LRRC4C: variants seen among roughly 807,000 people sequenced by gnomAD.
The protein encoded by LRRC4C is leucine rich repeat containing 4C.
Under a neutral mutation model 33.6 loss-of-function variants are expected in LRRC4C, and 5 were observed. That is an observed-to-expected ratio of 0.15 (90% CI 0.08 to 0.31). The LOEUF is 0.31. Ranked by LOEUF, LRRC4C falls within the 10% of genes least tolerant of loss-of-function variation. The probability of loss-of-function intolerance (pLI) is 1.00; values close to 1 mark genes in which losing one functional copy is unlikely to be tolerated. For missense variants in LRRC4C, 560 were observed against 796.7 expected (o/e 0.70, Z 3.58); for synonymous variants, 329 against 302.0 (o/e 1.09, Z -0.93).
intron 3 of LRRC4C, among the ~76,000 whole-genome samples, chr11:40,439,655 C>A (rs543126664): frequency 6.6e-6 from 1 of 151,532 alleles, no homozygotes; most frequent in African/African-American, 2.4e-5. Flanking sequence ...GGTTTCACCA[C>A]CTTGGCCAGG....
At chr11:40,968,362 G>T (rs10837535) in intron 1 of LRRC4C, among the ~76,000 whole-genome samples, 2 of 151,966 alleles carry the variant, frequency 1.3e-5, no homozygotes, top group African/African-American at 4.8e-5. Flanking sequence ...AGCAGCAAGC[G>T]CTAATGTAGA....
At chr11:40,996,230 G>A (rs572357514) in intron 1 of LRRC4C, among the ~76,000 whole-genome samples, 15 of 152,248 alleles carry the variant, frequency 9.9e-5, no homozygotes, top group East Asian at 3.9e-4. Flanking sequence ...CTGTGAGGCT[G>A]GGTAGCAGAC....
intron 3 of LRRC4C, among the ~76,000 whole-genome samples, chr11:40,497,365 C>A (rs1378265642): frequency 6.6e-6 from 1 of 151,690 alleles, no homozygotes; most frequent in Non-Finnish European, 1.5e-5. Flanking sequence ...GATCATGCCA[C>A]TACACTCCAG....
intron 1 of LRRC4C, among the ~76,000 whole-genome samples, chr11:41,272,457 T>C (rs771231321): frequency 1.3e-5 from 2 of 152,068 alleles, no homozygotes; most frequent in African/African-American, 2.4e-5. Context: ...TGCAGTGAAA[T>C]AGGGACTCAG....
chr11:40,468,805 T>C (rs1293797680), intron 3 of LRRC4C, among the ~76,000 whole-genome samples: 1 of 152,204 alleles, frequency 6.6e-6, no homozygotes, highest in Admixed American at 6.5e-5. Flanking sequence ...AAACATTTTC[T>C]AGTACACTTT....
At chr11:41,169,456 C>T (rs1944872886) in intron 1 of LRRC4C, among the ~76,000 whole-genome samples, 2 of 152,094 alleles carry the variant, frequency 1.3e-5, no homozygotes, top group Non-Finnish European at 1.5e-5. Flanking sequence ...TTATCACATC[C>T]ACTTCCACAT....
At chr11:40,235,041 G>C (rs1865462467) in intron 5 of LRRC4C, among the ~76,000 whole-genome samples, 1 of 152,166 alleles carries the variant, frequency 6.6e-6, no homozygotes. Context: ...CAATTACCCT[G>C]ATTGCAGCAC....
At chr11:40,975,156 A>C (rs904750743) in intron 1 of LRRC4C, among the ~76,000 whole-genome samples, 2 of 152,208 alleles carry the variant, frequency 1.3e-5, no homozygotes, top group Admixed American at 1.3e-4. Flanking sequence ...ATAGATGTCT[A>C]TCTAATTATA....
intron 4 of LRRC4C, among the ~76,000 whole-genome samples, chr11:40,260,244 G>A (rs545871035): frequency 7.8e-6 from 1 of 127,504 alleles, no homozygotes; most frequent in Middle Eastern, 3.3e-3. Context: ...ATGAGTTCAT[G>A]TCCTTTGTAG....
intron 2 of LRRC4C, among the ~76,000 whole-genome samples, chr11:40,728,288 T>C (rs1164411616): frequency 6.6e-6 from 1 of 151,996 alleles, no homozygotes; most frequent in Non-Finnish European, 1.5e-5. Flanking sequence ...AGAAACCCCA[T>C]TACTGGGTAT....
chr11:40,901,027 T>C (rs1380365065), intron 2 of LRRC4C, among the ~76,000 whole-genome samples: 1 of 152,134 alleles, frequency 6.6e-6, no homozygotes, highest in Non-Finnish European at 1.5e-5. Context: ...GCCTGTTGCT[T>C]TGTATGAGGA....
At chr11:40,937,072 C>T (rs1370185879) in intron 1 of LRRC4C, among the ~76,000 whole-genome samples, 1 of 152,152 alleles carries the variant, frequency 6.6e-6, no homozygotes, top group Non-Finnish European at 1.5e-5. Context: ...CCCAGGTTTC[C>T]ATCAATGGCA....
intron 1 of LRRC4C, among the ~76,000 whole-genome samples, chr11:40,955,541 C>T (rs1160483030): frequency 2.0e-5 from 3 of 151,770 alleles, no homozygotes. Context: ...ACCATAATTA[C>T]AATCTAAAAC....
intron 4 of LRRC4C, among the ~76,000 whole-genome samples, chr11:40,242,042 A>C (rs539463336): frequency 1.1e-4 from 17 of 152,256 alleles, no homozygotes; most frequent in Admixed American, 9.8e-4. Flanking sequence ...ACCCCAGACA[A>C]GGATGCATTT....
At chr11:40,641,015 C>CAAAAAAAAAAAAAAAAAAAAAAA in intron 3 of LRRC4C, among the ~76,000 whole-genome samples, 1 of 110,088 alleles carries the variant, frequency 9.1e-6, no homozygotes, top group Non-Finnish European at 1.7e-5. Flanking sequence ...GAGTCCATCT[C>CAAAAAAAAAAAAAAAAAAAAAAA]AAAAAAAAAA....
At chr11:41,358,487 T>C (rs959372804) in intron 1 of LRRC4C, among the ~76,000 whole-genome samples, 1 of 152,126 alleles carries the variant, frequency 6.6e-6, no homozygotes, top group Non-Finnish European at 1.5e-5. Flanking sequence ...GAGAAAGTAT[T>C]TGCAAAAGAC....
chr11:40,619,401 C>A (rs1442058474), intron 3 of LRRC4C, among the ~76,000 whole-genome samples: 5 of 151,662 alleles, frequency 3.3e-5, no homozygotes, highest in Non-Finnish European at 7.4e-5. Context: ...CCAAAACATT[C>A]ATGTACCCCA....
At chr11:40,944,488 G>A (rs1427278886) in intron 1 of LRRC4C, among the ~76,000 whole-genome samples, 1 of 152,170 alleles carries the variant, frequency 6.6e-6, no homozygotes, top group Admixed American at 6.6e-5. Flanking sequence ...AAGAGTAACA[G>A]ACTGAAATAA....
Position 41,290,425 on chromosome 11 carries a change from T to C in LRRC4C, c.-496+169006A>G, listed in dbSNP as rs552684820. 7.2e-5 allele frequency among the ~76,000 whole-genome samples: 11 copies of C among 152,214 alleles called. No homozygotes were observed. In the East Asian group the frequency reaches 2.1e-3, roughly 29 times the overall value. ...AAGCAGTGAATAGGCTACAAATACG[T>C]GTTGTAGGGTCTCTGATGGGGGCCT... On this transcript the variant is annotated intron_variant, in intron 1 of 6. Transcript: ENST00000528697.
Sources: gnomAD v4.1 joint callset for allele counts (sites outside exome capture counted in the v4.1 genomes callset) on GRCh38, gnomAD v4.1.1 for gene constraint, MANE v1.5 for transcripts, NCBI Gene and HGNC (gene_info 2026-07-23, HGNC 2026-07-21) for gene names.